The following TMOD3 variants were observed in gnomAD, a reference collection of about 807,000 sequenced individuals.
TMOD3 encodes the protein tropomodulin-3.
Under a neutral mutation model 39.2 loss-of-function variants are expected in TMOD3, and 20 were observed. The observed-to-expected ratio is 0.51, with a 90% confidence interval of 0.36 to 0.74. TMOD3 has a LOEUF of 0.74. TMOD3 is among the 30% of genes least tolerant of loss of function. The probability of loss-of-function intolerance (pLI) is 0.00; values close to 1 mark genes in which losing one functional copy is unlikely to be tolerated. For missense variants in TMOD3, 381 were observed against 412.8 expected (o/e 0.92, Z 0.67); for synonymous variants, 143 against 145.8 (o/e 0.98, Z 0.14).
chr15:51,836,767 C>T (rs960610408), intron 1 of TMOD3, among the ~76,000 whole-genome samples: 1 of 150,650 alleles, frequency 6.6e-6, no homozygotes, highest in African/African-American at 2.4e-5. Flanking sequence ...TACTGAAATA[C>T]AGTCAAGGTT....
At chr15:51,885,267 T>C (rs1175776250) in intron 3 of TMOD3, among the ~76,000 whole-genome samples, 2 of 150,868 alleles carry the variant, frequency 1.3e-5, no homozygotes, top group Non-Finnish European at 1.5e-5. Flanking sequence ...GTTTCTAGAG[T>C]AACTAGTTTC....
At chr15:51,900,927 T>C (rs2056646966) in intron 8 of TMOD3, 1 of 152,202 alleles carries the variant, frequency 6.6e-6, no homozygotes, top group African/African-American at 2.4e-5. Context: ...TGTAGAGTTT[T>C]GCAGCCATTA....
chr15:51,894,080 T>C (rs1454112426), intron 6 of TMOD3, 135 bp downstream of exon 6: 2 of 658,740 alleles, frequency 3.0e-6, no homozygotes, highest in Non-Finnish European at 4.5e-6. Context: ...TATGCTAACA[T>C]AGGTTTCTTC....
At chr15:51,897,004 G>A (rs2593184) in intron 7 of TMOD3, among the ~76,000 whole-genome samples, 95,449 of 152,112 alleles carry the variant, frequency 0.63, 31,438 homozygotes, top group East Asian at 0.98. Context: ...TGTTGAACCA[G>A]CCTTTCATTC....
chr15:51,900,526 T>C (rs778593127), intron 8 of TMOD3, among the ~76,000 whole-genome samples: 14 of 152,322 alleles, frequency 9.2e-5, no homozygotes, highest in South Asian at 2.1e-4. Flanking sequence ...TAAGAGAATT[T>C]AGATGGCTAT....
At chr15:51,895,248 G>C (rs920135107) in intron 6 of TMOD3, among the ~76,000 whole-genome samples, 12 of 142,212 alleles carry the variant, frequency 8.4e-5, no homozygotes, top group Non-Finnish European at 1.5e-4. Flanking sequence ...ACAGAGTCTT[G>C]CTCTGTTGCC....
intron 1 of TMOD3, among the ~76,000 whole-genome samples, chr15:51,846,228 G>T (rs1353858998): frequency 6.6e-6 from 1 of 151,994 alleles, no homozygotes; most frequent in Non-Finnish European, 1.5e-5. Context: ...CTACTTGAGA[G>T]GCTGAAGTGG....
At chr15:51,895,847 GC>G (rs775450198) in intron 6 of TMOD3, among the ~76,000 whole-genome samples, 104 of 152,272 alleles carry the variant, frequency 6.8e-4, no homozygotes, top group Non-Finnish European at 1.1e-3. Flanking sequence ...AGTGACTCAT[GC>G]CTGTAATCCC....
intron 4 of TMOD3, among the ~76,000 whole-genome samples, 161 bp downstream of exon 4, chr15:51,887,872 T>A (rs2056573176): frequency 6.6e-6 from 1 of 152,238 alleles, no homozygotes; most frequent in Admixed American, 6.5e-5. Context: ...AAAGCTGACG[T>A]AAAGAGTTTC....
intron 1 of TMOD3, among the ~76,000 whole-genome samples, 182 bp downstream of exon 1, chr15:51,830,018 C>T (rs2056246000): frequency 6.6e-6 from 1 of 152,142 alleles, no homozygotes; most frequent in African/African-American, 2.4e-5. Context: ...GCGAACGGCC[C>T]GGGCGGGGGA....
At chr15:51,853,826 A>G (rs995873601) in intron 1 of TMOD3, among the ~76,000 whole-genome samples, 1 of 151,668 alleles carries the variant, frequency 6.6e-6, no homozygotes, top group African/African-American at 2.4e-5. Flanking sequence ...TGGCAACATC[A>G]TTAAGGAAAT....
chr15:51,870,150 G>T (rs754413080), intron 3 of TMOD3, among the ~76,000 whole-genome samples: 1 of 152,138 alleles, frequency 6.6e-6, no homozygotes, highest in Non-Finnish European at 1.5e-5. Context: ...TGTTGGCCAG[G>T]CTGGTCTCGA....
intron 3 of TMOD3, among the ~76,000 whole-genome samples, chr15:51,882,941 C>T (rs1015816552): frequency 6.6e-6 from 1 of 152,114 alleles, no homozygotes; most frequent in African/African-American, 2.4e-5. Context: ...TCCTTTCTTA[C>T]AAAATTAATT....
intron 9 of TMOD3, among the ~76,000 whole-genome samples, chr15:51,903,656 G>A (rs1242036168): frequency 2.0e-5 from 3 of 152,166 alleles, no homozygotes; most frequent in Non-Finnish European, 2.9e-5. Context: ...GCAAAGTCAT[G>A]CTAATTGTTT....
At chr15:51,878,376 A>ATGTGTGTGTGTGTGTGTGTGTGTGTG (rs10586896) in intron 3 of TMOD3, among the ~76,000 whole-genome samples, 105 of 147,428 alleles carry the variant, frequency 7.1e-4, no homozygotes, top group African/African-American at 2.4e-3. Flanking sequence ...TTTAAAATAT[A>ATGTGTGTGTGTGTGTGTGTGTGTGTG]TGTGTGTGTG....
At chr15:51,830,869 CACCT>C (rs1320651879) in intron 1 of TMOD3, among the ~76,000 whole-genome samples, 5 of 152,226 alleles carry the variant, frequency 3.3e-5, no homozygotes, top group Non-Finnish European at 7.3e-5. Context: ...GGCACCTTTT[CACCT>C]TTAAGAGTCA....
intron 5 of TMOD3, chr15:51,892,469 G>C (rs552558302): frequency 6.6e-6 from 1 of 152,238 alleles, no homozygotes. Context: ...TCATATTCCT[G>C]TGTGGGTAGC....
At chr15:51,850,188 T>C (rs763027603) in intron 1 of TMOD3, among the ~76,000 whole-genome samples, 12 of 152,084 alleles carry the variant, frequency 7.9e-5, no homozygotes, top group Admixed American at 2.6e-4. Context: ...TGTTTTTTAT[T>C]TGAGGTATGT....
At chr15:51,906,040 G>C (rs2056678936) in intron 9 of TMOD3, among the ~76,000 whole-genome samples, 1 of 149,960 alleles carries the variant, frequency 6.7e-6, no homozygotes, top group Non-Finnish European at 1.5e-5. Flanking sequence ...CTGCCATCTA[G>C]AGGATGAGCT....
Sources: allele counts gnomAD v4.1 joint callset (sites outside exome capture counted in the v4.1 genomes callset), GRCh38; gene constraint gnomAD v4.1.1; transcripts MANE v1.5; gene names NCBI Gene and HGNC (gene_info 2026-07-23, HGNC 2026-07-21).